Variants in SFT2D1 observed in about 807,000 individuals in gnomAD.
The protein encoded by SFT2D1 is vesicle transport protein SFT2A.
SFT2D1 carries 24 observed loss-of-function variants against 28.1 expected under a neutral mutation model. The ratio of observed to expected loss-of-function variants is 0.85; its 90% CI spans 0.62 to 1.20. The LOEUF is 1.20. Among genes scored for constraint, SFT2D1 ranks in the 50% most tolerant of loss-of-function variants. The pLI, the probability that SFT2D1 is intolerant of heterozygous loss-of-function variation, is 0.00. For synonymous variants in SFT2D1, 82 were observed against 73.7 expected, an observed-to-expected ratio of 1.11 and a Z score of -0.58; for missense variants, 181 against 190.9, an observed-to-expected ratio of 0.95 and a Z score of 0.31.
Position 166,320,000 on chromosome 6 carries a change from G to C in SFT2D1, c.*217C>G, listed in dbSNP as rs759971570. 6.3e-5 allele frequency: 28 copies of C among 446,696 alleles called. No individual in the cohort carries two copies. Among genetic ancestry groups the C allele is most frequent in the Non-Finnish European group, 9.4e-5 (24 of 254,572 alleles). 27.7% of individuals were successfully genotyped at this position (446,696 alleles called of 1,614,324 possible). On this transcript the variant is annotated 3_prime_UTR_variant, in exon 8 of 8. Transcript: ENST00000361731. ...GCAGTGATTAAAAATCTTATCTTTG[G>C]AAAAGTATATTAATGACACATAATG...
chr6:166,329,053 C>T (rs895029656), intron 3 of SFT2D1, among the ~76,000 whole-genome samples: 4 of 152,118 alleles, frequency 2.6e-5, no homozygotes, highest in Non-Finnish European at 5.9e-5. Context: ...AGTGCAGCAG[C>T]TCCAAGCCTG....
At position 166,330,230 on chromosome 6, in the gene SFT2D1, G is replaced by C; in HGVS notation, c.81C>G (p.Ser27=). The change falls in exon 2 of 8, where the codon TCC becomes TCG. Residue 27 remains serine (S), a synonymous_variant. Transcript: ENST00000361731. ...ATTTCAATCTGGTGTTGAAACTAAG[G>C]GATGAGGCATCCAGGACCTTAATAA... The part of the protein sequence containing the change: ...GLTAQVLDAS[S]LSFNTRLKWF... 6.2e-7 allele frequency: 1 copy of C among 1,602,536 alleles called. No individual in the cohort carries two copies. Among genetic ancestry groups the C allele is most frequent in the Non-Finnish European group, 8.5e-7 (1 of 1,176,264 alleles).
chr6:166,322,661 A>T (rs1036460087), intron 7 of SFT2D1, among the ~76,000 whole-genome samples, 196 bp downstream of exon 7: 1 of 144,392 alleles, frequency 6.9e-6, no homozygotes, highest in African/African-American at 2.6e-5. Context: ...ACTGCACTCC[A>T]GCCTGGCGAC....
intron 1 of SFT2D1, among the ~76,000 whole-genome samples, chr6:166,331,120 AGTG>A (rs778444895): frequency 5.3e-5 from 8 of 152,278 alleles, no homozygotes; most frequent in African/African-American, 9.6e-5. Context: ...AGCACACAGT[AGTG>A]GTGAAATAAA....
intron 4 of SFT2D1, among the ~76,000 whole-genome samples, chr6:166,326,796 C>T (rs1048891897): frequency 2.0e-5 from 3 of 152,228 alleles, no homozygotes; most frequent in African/African-American, 7.2e-5. Context: ...TTCCCACGTT[C>T]TCTCAACATG....
chr6:166,342,391 G>A (rs1318812383), intron 1 of SFT2D1, 28 bp downstream of exon 1: 1 of 1,544,008 alleles, frequency 6.5e-7, no homozygotes, highest in Admixed American at 2.0e-5. Context: ...GGCAGCCCCG[G>A]GACTGGACGA....
chr6:166,321,051 C>A (rs1350919711), intron 7 of SFT2D1, among the ~76,000 whole-genome samples: 1 of 151,416 alleles, frequency 6.6e-6, no homozygotes, highest in Non-Finnish European at 1.5e-5. Context: ...GTGGAGGTTG[C>A]AGTGAGCAGA....
chr6:166,328,172 T>C (rs953991069), intron 4 of SFT2D1, 104 bp downstream of exon 4: 2 of 489,316 alleles, frequency 4.1e-6, no homozygotes, highest in African/African-American at 2.0e-5. Context: ...TAAAAAAAAA[T>C]AAAAATAAAA....
intron 1 of SFT2D1, chr6:166,334,958 G>A (rs1778618373): frequency 2.1e-6 from 1 of 468,814 alleles, no homozygotes; most frequent in Admixed American, 2.5e-5. Flanking sequence ...TGAACAGTAT[G>A]GAAAAACTGA....
At chr6:166,341,107 T>C (rs1024628838) in intron 1 of SFT2D1, among the ~76,000 whole-genome samples, 81 of 152,164 alleles carry the variant, frequency 5.3e-4, no homozygotes, top group Non-Finnish European at 1.0e-3. Context: ...GTGGTTGCTG[T>C]GACTAAGGAA....
chr6:166,341,486 G>A (rs1165075718), intron 1 of SFT2D1, among the ~76,000 whole-genome samples: 2 of 151,556 alleles, frequency 1.3e-5, no homozygotes, highest in African/African-American at 4.9e-5. Flanking sequence ...GCCACATGTG[G>A]CTGTGGTAAT....
At chr6:166,320,326 T>G in intron 7 of SFT2D1, 70 bp from the exon 8 acceptor site, 2 of 1,296,678 alleles carry the variant, frequency 1.5e-6, no homozygotes, top group Non-Finnish European at 2.2e-6. Flanking sequence ...AAAATGTTCC[T>G]GCTAAATCAC....
rs59869641 is a variant in SFT2D1 at position 166,325,117 on chromosome 6, A to C, written c.352-522T>G. On this transcript the variant is annotated intron_variant, in intron 5 of 7. Transcript: ENST00000361731. ...CTTGTCCATCAGTGCTTTTTTACTT[A>C]TTTATCTTCAATCTACTGTTTATAA... 5.6e-3 allele frequency among the ~76,000 whole-genome samples: 833 copies of C among 148,740 alleles called. 7 individuals are homozygous for C. Among genetic ancestry groups the C allele is most frequent in the African/African-American group, 0.021 (794 of 38,250 alleles).
chr6:166,330,383 C>T (rs1345248166), intron 1 of SFT2D1, 136 bp from the exon 2 acceptor site: 1 of 641,172 alleles, frequency 1.6e-6, no homozygotes, highest in Non-Finnish European at 2.7e-6. Context: ...TTCAAGAATA[C>T]TAAGATTCCA....
At position 166,328,290 on chromosome 6, in the gene SFT2D1, T is replaced by C; in HGVS notation, c.301A>G (p.Thr101Ala). ...KMFEATRLLA[T>A]IVMLLCFIFT... ...TATTTACTTACAAGCATAACAATTG[T>C]TGCAAGCAATCTTGTTGCTTCAAAC... The change falls in exon 4 of 8, where the codon ACA becomes GCA. Residue 101 changes from threonine (T) to alanine (A), a missense_variant. Coordinates refer to ENST00000361731, the MANE Select transcript of SFT2D1 (RefSeq NM_145169.3). 1 of 1,590,928 alleles carries C rather than the reference T, an allele frequency of 6.3e-7. No homozygotes were observed.
rs542650920 is a variant in SFT2D1, at chr6:166,324,417, T to C, written c.410+120A>G. 6.1e-5 allele frequency: 54 copies of C among 887,634 alleles called. No homozygotes were observed. The Admixed American group carries it at 1.1e-3, about 17-fold the overall frequency. The allele number at this position is 887,634 out of a possible 1,614,324, so 55.0% of individuals were successfully genotyped here. On this transcript the variant is annotated intron_variant, in intron 6 of 7. Transcript: ENST00000361731. ...TCGCAGACCTCCCCTCCTCTGACCCTGCAGGGCCTGTCTGGCTCCAAAACA... is the reference window on the plus strand; with the variant it reads ...TCGCAGACCTCCCCTCCTCTGACCCCGCAGGGCCTGTCTGGCTCCAAAACA...
chr6:166,339,949 TCA>T (rs1488129401), intron 1 of SFT2D1, among the ~76,000 whole-genome samples: 2 of 152,208 alleles, frequency 1.3e-5, no homozygotes, highest in Non-Finnish European at 2.9e-5. Flanking sequence ...TACCTGGATC[TCA>T]GACTTCACGT....
intron 1 of SFT2D1, among the ~76,000 whole-genome samples, chr6:166,330,838 T>C (rs1284538989): frequency 1.3e-5 from 2 of 152,162 alleles, no homozygotes; most frequent in African/African-American, 4.8e-5. Context: ...CTGCACCCCA[T>C]GGAGGGTAGA....
chr6:166,331,488 GT>G (rs1186807683), intron 1 of SFT2D1: 5 of 152,596 alleles, frequency 3.3e-5, no homozygotes, highest in African/African-American at 1.2e-4. Flanking sequence ...CATTTTAAAT[GT>G]TTTTTAAGTT....
Sources: allele counts gnomAD v4.1 joint callset (sites outside exome capture counted in the v4.1 genomes callset), GRCh38; gene constraint gnomAD v4.1.1; transcripts MANE v1.5; gene names NCBI Gene and HGNC (gene_info 2026-07-23, HGNC 2026-07-21).